Variants in LRBA observed in about 807,000 individuals in gnomAD.
LRBA encodes LPS responsive beige-like anchor protein.
LRBA carries 176 observed loss-of-function variants against 330.0 expected under a neutral mutation model. The ratio of observed to expected loss-of-function variants is 0.53; its 90% CI spans 0.47 to 0.60. LRBA has a LOEUF of 0.60. Ranked by LOEUF, LRBA falls within the 20% of genes least tolerant of loss-of-function variation. The pLI is 0.00. For missense variants in LRBA, 3,259 were observed against 3,444.8 expected (o/e 0.95, Z 1.35); for synonymous variants, 1,230 against 1,193.0 (o/e 1.03, Z -0.64).
chr4:150,382,358 T>C (rs1742393147), intron 47 of LRBA, among the ~76,000 whole-genome samples: 1 of 152,112 alleles, frequency 6.6e-6, no homozygotes, highest in African/African-American at 2.4e-5. Context: ...GCACGGTGGC[T>C]CATGCCTGTA....
At chr4:150,943,590 A>T (rs530629669) in intron 2 of LRBA, among the ~76,000 whole-genome samples, 1 of 152,340 alleles carries the variant, frequency 6.6e-6, no homozygotes, top group East Asian at 1.9e-4. Flanking sequence ...TGTTTTAAGC[A>T]AACATTTAGT....
At chr4:150,373,340 A>G (rs1271263913) in intron 47 of LRBA, among the ~76,000 whole-genome samples, 1 of 152,148 alleles carries the variant, frequency 6.6e-6, no homozygotes, top group East Asian at 1.9e-4. Flanking sequence ...CAAACAACCA[A>G]TACAACTCCT....
chr4:150,781,221 T>C (rs1255447542), intron 34 of LRBA, among the ~76,000 whole-genome samples: 2 of 152,178 alleles, frequency 1.3e-5, no homozygotes, highest in Non-Finnish European at 2.9e-5. Context: ...TGTAGCAAAA[T>C]AATTATATAA....
chr4:150,480,686 TA>T (rs1279668896), intron 42 of LRBA, among the ~76,000 whole-genome samples: 5 of 152,146 alleles, frequency 3.3e-5, no homozygotes, highest in African/African-American at 7.2e-5. Context: ...GGAATATAAT[TA>T]ATTTTTTATA....
intron 36 of LRBA, among the ~76,000 whole-genome samples, chr4:150,695,366 A>G (rs958805471): frequency 6.6e-6 from 1 of 152,216 alleles, no homozygotes; most frequent in Non-Finnish European, 1.5e-5. Context: ...TCTGACACCT[A>G]GGCTGGAGTG....
chr4:150,622,688 C>CTTTTTTTTTTTTTTTTTTTTTTTTTTTTT (rs10528461), intron 37 of LRBA, among the ~76,000 whole-genome samples: 1 of 105,662 alleles, frequency 9.5e-6, no homozygotes, highest in African/African-American at 4.2e-5. Context: ...CTAAATCAAT[C>CTTTTTTTTTTTTTTTTTTTTTTTTTTTTT]TTTTTTTTTT....
intron 2 of LRBA, among the ~76,000 whole-genome samples, chr4:150,945,166 T>C (rs1445404346): frequency 6.6e-6 from 1 of 152,168 alleles, no homozygotes; most frequent in Non-Finnish European, 1.5e-5. Flanking sequence ...ATGTGGAAGG[T>C]ATTTAGAGTT....
chr4:150,531,150 T>G (rs973208833), intron 40 of LRBA, among the ~76,000 whole-genome samples: 8 of 152,212 alleles, frequency 5.3e-5, no homozygotes, highest in African/African-American at 1.9e-4. Context: ...TTGTCCTCAT[T>G]GGCATATCTC....
At chr4:150,878,150 T>C (rs372910100) in intron 17 of LRBA, among the ~76,000 whole-genome samples, 1 of 150,838 alleles carries the variant, frequency 6.6e-6, no homozygotes, top group East Asian at 1.9e-4. Context: ...CTGGCCAACA[T>C]GGTGAAACCC....
At chr4:150,676,247 A>T (rs1289657087) in intron 37 of LRBA, among the ~76,000 whole-genome samples, 1 of 152,236 alleles carries the variant, frequency 6.6e-6, no homozygotes, top group African/African-American at 2.4e-5. Context: ...ACAACATTTT[A>T]AAAAAGCCCT....
chr4:150,457,629 T>G (rs891554549), intron 44 of LRBA, among the ~76,000 whole-genome samples: 1 of 151,926 alleles, frequency 6.6e-6, no homozygotes, highest in Non-Finnish European at 1.5e-5. Context: ...ACATGTTTTT[T>G]AAATGTCCTT....
At chr4:150,985,714 A>T (rs1561094413) in intron 2 of LRBA, among the ~76,000 whole-genome samples, 1 of 152,032 alleles carries the variant, frequency 6.6e-6, no homozygotes, top group African/African-American at 2.4e-5. Context: ...TAGCCAGGAT[A>T]GTCTTGATCT....
chr4:150,647,279 G>A (rs528394836), intron 37 of LRBA, among the ~76,000 whole-genome samples: 2 of 146,026 alleles, frequency 1.4e-5, no homozygotes, highest in South Asian at 2.2e-4. Context: ...GCTAAAGTAG[G>A]AAAATGCTTT....
chr4:150,953,536 G>A (rs537726911), intron 2 of LRBA, among the ~76,000 whole-genome samples: 10 of 152,160 alleles, frequency 6.6e-5, no homozygotes, highest in Admixed American at 4.6e-4. Context: ...ACTGGTTTTC[G>A]TATTTTTTGG....
chr4:150,611,507 C>T (rs1775258433), intron 37 of LRBA, among the ~76,000 whole-genome samples: 2 of 152,056 alleles, frequency 1.3e-5, no homozygotes, highest in South Asian at 4.2e-4. Context: ...TTAAATATCT[C>T]TTTCATAAAG....
At chr4:150,698,996 T>C (rs944239044) in intron 36 of LRBA, among the ~76,000 whole-genome samples, 4 of 152,210 alleles carry the variant, frequency 2.6e-5, no homozygotes, top group East Asian at 1.9e-4. Flanking sequence ...TCCAGGTCTA[T>C]AGACGCTACA....
intron 2 of LRBA, among the ~76,000 whole-genome samples, chr4:150,987,748 T>C (rs1179105699): frequency 6.6e-6 from 1 of 150,486 alleles, no homozygotes; most frequent in African/African-American, 2.4e-5. Flanking sequence ...ACACCTGTAA[T>C]CCCAGCACTG....
intron 37 of LRBA, among the ~76,000 whole-genome samples, chr4:150,666,122 T>C (rs1781533278): frequency 6.6e-6 from 1 of 152,120 alleles, no homozygotes; most frequent in Non-Finnish European, 1.5e-5. Context: ...ATGATGATGG[T>C]TTCATGGATA....
chr4:151,008,732 T>C (rs1237774535), intron 2 of LRBA, among the ~76,000 whole-genome samples: 3 of 151,556 alleles, frequency 2.0e-5, no homozygotes, highest in East Asian at 2.0e-4. Context: ...CCGAGCACTT[T>C]GGGAGGCTGA....
Sources: gnomAD v4.1 joint callset for allele counts (sites outside exome capture counted in the v4.1 genomes callset) on GRCh38, gnomAD v4.1.1 for gene constraint, MANE v1.5 for transcripts, NCBI Gene and HGNC (gene_info 2026-07-23, HGNC 2026-07-21) for gene names.